EPB41L4A: variants seen among roughly 807,000 people sequenced by gnomAD.
EPB41L4A encodes the protein erythrocyte membrane protein band 4.1 like 4A.
In EPB41L4A, 100 loss-of-function variants were observed where a neutral mutation model predicts 108.6. The ratio of observed to expected loss-of-function variants is 0.92; its 90% CI spans 0.78 to 1.09. EPB41L4A has a LOEUF of 1.09. Ranked by LOEUF, EPB41L4A falls within the 50% of genes least tolerant of loss-of-function variation. EPB41L4A has a pLI of 0.00. For missense variants in EPB41L4A, 1,030 were observed against 842.7 expected (o/e 1.22, Z -2.75); for synonymous variants, 319 against 289.0 (o/e 1.10, Z -1.05).
intron 2 of EPB41L4A, among the ~76,000 whole-genome samples, chr5:112,297,879 T>A (rs532724672): frequency 6.6e-6 from 1 of 152,112 alleles, no homozygotes; most frequent in Admixed American, 6.5e-5. Context: ...TTGCCAATTA[T>A]CCCAGCACCA....
At chr5:112,234,387 GAAAA>G (rs1002072296) in intron 12 of EPB41L4A, among the ~76,000 whole-genome samples, 1 of 148,538 alleles carries the variant, frequency 6.7e-6, no homozygotes. Flanking sequence ...ACTCAAAAAA[GAAAA>G]AAAAAGAAAG....
chr5:112,365,902 C>A (rs1043529637), intron 1 of EPB41L4A, among the ~76,000 whole-genome samples: 2 of 152,128 alleles, frequency 1.3e-5, no homozygotes, highest in African/African-American at 4.8e-5. Context: ...AAATGATCAG[C>A]GCAAGGATCT....
chr5:112,216,978 T>C (rs1172868645), intron 12 of EPB41L4A, among the ~76,000 whole-genome samples: 1 of 149,816 alleles, frequency 6.7e-6, no homozygotes, highest in Admixed American at 6.7e-5. Context: ...ATCATGGAAT[T>C]TTTTTTTTTT....
chr5:112,165,636 C>G (rs1056441002), intron 22 of EPB41L4A, among the ~76,000 whole-genome samples: 1 of 152,150 alleles, frequency 6.6e-6, no homozygotes, highest in Non-Finnish European at 1.5e-5. Flanking sequence ...CCCATCATCA[C>G]TGGTGGAGGC....
rs772733124 is a variant in EPB41L4A, at chr5:112,204,434, C to G, written c.1317G>C (p.Thr439=). 6.2e-7 allele frequency: 1 copy of G among 1,613,762 alleles called. No individual in the cohort carries two copies. The highest frequency in any genetic ancestry group is 8.5e-7 in the Non-Finnish European group (1 of 1,179,910). ...DRTKSPKFPY[T]RRRNPSCGSD... ...TTCCACAGGAGGGGTTTCGGCGACG[C>G]GTGTAAGGGAACTTTGGCGACTTAG... Residue 439 remains threonine, a synonymous_variant, in exon 15 of 23, where the codon ACG becomes ACC. Transcript: ENST00000261486.
At position 112,176,070 on chromosome 5, in the gene EPB41L4A, A is replaced by G. The variant is rs894552300; in HGVS notation, c.1623-5078T>C. Among the ~76,000 whole-genome samples the G allele has an allele frequency of 3.0e-4, 45 of 152,130 alleles. 1 individual carries two copies. Among genetic ancestry groups the G allele is most frequent in the African/African-American group, 1.1e-3 (45 of 41,408 alleles). ...CCTCCTCATCTCAAGGAAAAACACA[A>G]ATACCTTGCAGTGTTTCTAGAGAAT... On this transcript the variant is annotated intron_variant, in intron 18 of 22. Transcript: ENST00000261486.
intron 1 of EPB41L4A, among the ~76,000 whole-genome samples, chr5:112,367,131 T>A (rs1272247133): frequency 6.6e-6 from 1 of 152,132 alleles, no homozygotes; most frequent in East Asian, 1.9e-4. Context: ...GCTCCAGAAC[T>A]AGAGAGAGGC....
chr5:112,259,834 A>T, intron 8 of EPB41L4A, 57 bp downstream of exon 8: 1 of 1,220,496 alleles, frequency 8.2e-7, no homozygotes, highest in Non-Finnish European at 1.2e-6. Flanking sequence ...TCACTGACAC[A>T]GGAGTCCCAT....
chr5:112,373,925 C>G (rs1759646092), intron 1 of EPB41L4A, among the ~76,000 whole-genome samples: 1 of 152,148 alleles, frequency 6.6e-6, no homozygotes, highest in Non-Finnish European at 1.5e-5. Flanking sequence ...TGGAATACTT[C>G]CAGAAAATCA....
At position 112,287,136 on chromosome 5, in the gene EPB41L4A, T is replaced by C. The variant is rs574150318; in HGVS notation, c.205-6813A>G. 2.0e-5 allele frequency among the ~76,000 whole-genome samples: 3 copies of C among 152,312 alleles called. No homozygotes were observed. In the South Asian group the frequency reaches 6.2e-4, roughly 32 times the overall value. On this transcript the variant is annotated intron_variant, in intron 2 of 22. Transcript: ENST00000261486. ...GGCTCATGGCCTTAAATGCCATCTA[T>C]ACACTGACAACTTCCACAGTTATAG... is the stretch of plus-strand genomic sequence containing the variant.
intron 15 of EPB41L4A, among the ~76,000 whole-genome samples, chr5:112,200,863 G>A (rs1762184686): frequency 6.6e-6 from 1 of 152,130 alleles, no homozygotes; most frequent in Non-Finnish European, 1.5e-5. Context: ...TCTGGACTCG[G>A]CCAGAATTTG....
intron 1 of EPB41L4A, among the ~76,000 whole-genome samples, chr5:112,415,531 T>C (rs1762663803): frequency 6.6e-6 from 1 of 152,200 alleles, no homozygotes; most frequent in Non-Finnish European, 1.5e-5. Flanking sequence ...TCAAATCTTG[T>C]GACTTTTGTT....
chr5:112,155,224 A>C (rs978421574), intron 12 of EPB41L4A, among the ~76,000 whole-genome samples: 2 of 152,206 alleles, frequency 1.3e-5, no homozygotes, highest in African/African-American at 2.4e-5. Context: ...CCACAGATTT[A>C]TATTTTCCCA....
intron 1 of EPB41L4A, among the ~76,000 whole-genome samples, chr5:112,311,118 C>T (rs994027427): frequency 1.3e-5 from 2 of 152,142 alleles, no homozygotes; most frequent in African/African-American, 2.4e-5. Context: ...CCCGCCTCAG[C>T]CTCCTGAGTA....
chr5:112,266,117 T>C, intron 5 of EPB41L4A, 116 bp downstream of exon 5: 1 of 740,064 alleles, frequency 1.4e-6, no homozygotes, highest in Non-Finnish European at 2.2e-6. Context: ...AAATTCAATT[T>C]CTTTTTTTTG....
chr5:112,376,641 A>G (rs1759838227), intron 1 of EPB41L4A, among the ~76,000 whole-genome samples: 1 of 152,234 alleles, frequency 6.6e-6, no homozygotes, highest in Non-Finnish European at 1.5e-5. Context: ...CACATCCTTC[A>G]GCAGGTGCAT....
intron 1 of EPB41L4A, among the ~76,000 whole-genome samples, chr5:112,359,486 A>C (rs387117): frequency 0.89 from 135,434 of 152,028 alleles, 60,408 homozygotes; most frequent in South Asian, 0.97. Context: ...GAATATGAAA[A>C]AACTCACTTC....
At chr5:112,153,520 C>G (rs946724203) in intron 12 of EPB41L4A, among the ~76,000 whole-genome samples, 1 of 148,640 alleles carries the variant, frequency 6.7e-6, no homozygotes, top group African/African-American at 2.5e-5. Flanking sequence ...CAGAGCAAGA[C>G]TCTGTCTCAA....
chr5:112,327,526 G>A (rs1253436404), intron 1 of EPB41L4A, among the ~76,000 whole-genome samples: 1 of 151,974 alleles, frequency 6.6e-6, no homozygotes, highest in Admixed American at 6.6e-5. Flanking sequence ...GACCAGCCTA[G>A]GCAACACTGC....
Sources: gnomAD v4.1 joint callset for allele counts (sites outside exome capture counted in the v4.1 genomes callset) on GRCh38, gnomAD v4.1.1 for gene constraint, MANE v1.5 for transcripts, NCBI Gene and HGNC (gene_info 2026-07-23, HGNC 2026-07-21) for gene names.